Variants in CYRIB observed in about 807,000 individuals in gnomAD.
The protein encoded by CYRIB is CYFIP-related Rac1 interactor B.
CYRIB carries 8 observed loss-of-function variants against 44.2 expected under a neutral mutation model. The observed-to-expected ratio is 0.18, with a 90% CI of 0.11 to 0.33. CYRIB has a LOEUF of 0.33. CYRIB is among the 10% of genes least tolerant of loss of function. The pLI is 1.00. For missense variants in CYRIB, 185 were observed against 382.8 expected (o/e 0.48, Z 4.31); for synonymous variants, 131 against 127.2 (o/e 1.03, Z -0.20).
chr8:129,933,909 A>AAGC (rs1324261956), intron 1 of CYRIB, among the ~76,000 whole-genome samples: 3 of 151,810 alleles, frequency 2.0e-5, no homozygotes, highest in Admixed American at 6.6e-5. Context: ...GAAGAAGAAG[A>AAGC]AGAAGAAGAA....
intron 1 of CYRIB, among the ~76,000 whole-genome samples, chr8:129,933,896 AAAG>A (rs71923726): frequency 0.053 from 7,965 of 150,378 alleles, 225 homozygotes; most frequent in Middle Eastern, 0.1. Flanking sequence ...ACAAAAAAAA[AAAG>A]AAGAAGAAGA....
At chr8:129,855,634 T>C in exon 6 of CYRIB, 1 of 1,614,142 alleles carries the variant, frequency 6.2e-7, no homozygotes, top group Non-Finnish European at 8.5e-7. Flanking sequence ...AACCGGAGTG[T>C]GAAATGAAGA....
At chr8:129,857,218 G>T (rs1270507397) in intron 5 of CYRIB, among the ~76,000 whole-genome samples, 1 of 152,134 alleles carries the variant, frequency 6.6e-6, no homozygotes, top group African/African-American at 2.4e-5. Flanking sequence ...TTATTATATA[G>T]AGAGAAGACA....
Position 129,921,514 on chromosome 8 carries a change from G to A in CYRIB, c.-50+18094C>T, listed in dbSNP as rs541596338. Among the ~76,000 whole-genome samples, 19 of 152,202 alleles carry A rather than the reference G, an allele frequency of 1.2e-4. 1 individual carries two copies. The highest frequency in any genetic ancestry group is 8.3e-4 in the South Asian group (4 of 4,820). ...TCTCTCGCCTAGACTGGAGTGCAGC[G>A]GCACGATCACAGTTCACAGCAGCCT... On this transcript the variant is annotated intron_variant, in intron 1 of 11. Coordinates refer to ENST00000519824, the Ensembl canonical transcript of CYRIB.
At chr8:129,930,815 G>A (rs1201568951) in intron 1 of CYRIB, among the ~76,000 whole-genome samples, 2 of 152,078 alleles carry the variant, frequency 1.3e-5, no homozygotes, top group African/African-American at 4.8e-5. Context: ...GGATCCACCT[G>A]CTTTTACCCA....
intron 1 of CYRIB, among the ~76,000 whole-genome samples, chr8:129,983,505 C>T (rs2096330102): frequency 6.6e-6 from 1 of 152,126 alleles, no homozygotes; most frequent in Non-Finnish European, 1.5e-5. Flanking sequence ...AAATCTGCTA[C>T]ATTAACAACA....
chr8:129,988,493 C>G lies in CYRIB; in HGVS notation c.-295-17498G>C, dbSNP rs1476040985. Among the ~76,000 whole-genome samples the G allele has an allele frequency of 2.6e-5, 4 of 152,334 alleles. No homozygotes were observed. The East Asian group carries it at 7.7e-4, about 29-fold the overall frequency. On this transcript the variant is annotated intron_variant, in intron 1 of 14. Coordinates refer to the CYRIB transcript ENST00000401979. ...ATTTGCACGTGTCACCTGACAGGAA[C>G]AGTGTTTCCGAATGTTTAGGAGTCT... is the stretch of plus-strand genomic sequence containing the variant.
chr8:129,955,492 C>A (rs2094768956), intron 2 of CYRIB, among the ~76,000 whole-genome samples: 1 of 152,090 alleles, frequency 6.6e-6, no homozygotes, highest in South Asian at 2.1e-4. Flanking sequence ...TCGAGGCTCC[C>A]ATCAGAAATC....
At chr8:130,003,528 C>A (rs985309882) in intron 1 of CYRIB, among the ~76,000 whole-genome samples, 1 of 152,202 alleles carries the variant, frequency 6.6e-6, no homozygotes, top group Non-Finnish European at 1.5e-5. Context: ...CTGGTCTCTG[C>A]ACATTAGCTG....
chr8:129,987,369 T>C lies in CYRIB; in HGVS notation c.-295-16374A>G, dbSNP rs552619200. On this transcript the variant is annotated intron_variant, in intron 1 of 14. Coordinates refer to the CYRIB transcript ENST00000401979. ...GGGTTAATGAGAGGCTGCTGGTTGC[T>C]ACTAGGTCCCACTTCCTACCCTGGC... 1.3e-3 allele frequency among the ~76,000 whole-genome samples: 202 copies of C among 152,206 alleles called. 1 individual carries two copies. The highest frequency in any genetic ancestry group is 4.7e-3 in the African/African-American group (197 of 41,536).
chr8:129,978,801 A>G (rs2096073199), intron 1 of CYRIB, among the ~76,000 whole-genome samples: 1 of 152,232 alleles, frequency 6.6e-6, no homozygotes, highest in Admixed American at 6.5e-5. Flanking sequence ...GTACACACAC[A>G]CACACGTGCA....
chr8:129,863,692 T>C (rs1228038408), intron 4 of CYRIB, among the ~76,000 whole-genome samples: 2 of 151,942 alleles, frequency 1.3e-5, no homozygotes, highest in South Asian at 2.1e-4. Flanking sequence ...TAGAGATCCT[T>C]AATATAAATG....
At chr8:129,932,242 T>C (rs1005480598) in intron 1 of CYRIB, among the ~76,000 whole-genome samples, 1 of 152,066 alleles carries the variant, frequency 6.6e-6, no homozygotes, top group African/African-American at 2.4e-5. Flanking sequence ...TTGCATACAG[T>C]ACAAGCAGAG....
chr8:129,940,473 A>G (rs2093605415), upstream of CYRIB, among the ~76,000 whole-genome samples: 1 of 152,220 alleles, frequency 6.6e-6, no homozygotes, highest in Admixed American at 6.5e-5. Context: ...ACTCTCAGAT[A>G]TATCAGACCC....
chr8:129,901,351 G>C (rs1169861478), intron 2 of CYRIB: 1 of 152,016 alleles, frequency 6.6e-6, no homozygotes, highest in Non-Finnish European at 1.5e-5. Context: ...CGAGTAGCTG[G>C]GATAACAGGC....
rs548393670 is a variant in CYRIB, at chr8:129,935,016, G to T, written c.-50+4592C>A. Among the ~76,000 whole-genome samples the T allele has an allele frequency of 6.4e-4, 97 of 152,256 alleles. 1 individual carries two copies. In the South Asian group the frequency reaches 0.019, roughly 30 times the overall value. On this transcript the variant is annotated intron_variant, in intron 1 of 11. Coordinates refer to ENST00000519824, the Ensembl canonical transcript of CYRIB. ...GAGTTGGTCTGGCAATAATTTCCAGGCCTTCTCCCTATAACTGGTTGCAGA... is the reference window on the plus strand; with the variant it reads ...GAGTTGGTCTGGCAATAATTTCCAGTCCTTCTCCCTATAACTGGTTGCAGA...
At chr8:129,854,392 G>A (rs749054679) in intron 6 of CYRIB, 49 bp from the exon 9 acceptor site, 3 of 1,328,686 alleles carry the variant, frequency 2.3e-6, no homozygotes, top group African/African-American at 3.0e-5. Context: ...AAATGCTAAT[G>A]TAAAAAAACT....
At position 129,893,456 on chromosome 8, in the gene CYRIB, A is replaced by G. The variant is rs186886524; in HGVS notation, c.-11+9856T>C. Among the ~76,000 whole-genome samples the G allele has an allele frequency of 4.3e-4, 65 of 152,338 alleles. 1 individual carries two copies. The East Asian group carries it at 9.4e-3, about 22-fold the overall frequency. On this transcript the variant is annotated intron_variant, in intron 2 of 11. Coordinates refer to ENST00000519824, the Ensembl canonical transcript of CYRIB. ...TAACCCAGTCTTGGTAAAGTAAATA[A>G]AAGCTTCCCAGAAGGGCTGATTCTT...
chr8:129,972,698 A>G (rs1351317388), intron 1 of CYRIB, among the ~76,000 whole-genome samples: 1 of 151,914 alleles, frequency 6.6e-6, no homozygotes, highest in East Asian at 1.9e-4. Flanking sequence ...CACATACACC[A>G]TACACACATC....
Sources: gnomAD v4.1 joint callset for allele counts (sites outside exome capture counted in the v4.1 genomes callset) on GRCh38, gnomAD v4.1.1 for gene constraint, MANE v1.5 for transcripts, NCBI Gene and HGNC (gene_info 2026-07-23, HGNC 2026-07-21) for gene names.